Variants in ATG10 observed in about 807,000 individuals in gnomAD.
ATG10 encodes the protein ubiquitin-like-conjugating enzyme ATG10.
Under a neutral mutation model 32.1 loss-of-function variants are expected in ATG10, and 30 were observed. That is an observed-to-expected ratio of 0.94 (90% CI 0.70 to 1.27). The LOEUF (loss-of-function observed/expected upper bound fraction) is 1.27, where lower values mean the gene tolerates loss of function less well. Ranked by LOEUF, ATG10 falls within the 50% of genes most tolerant of loss-of-function variation. The pLI is 0.00. For synonymous variants in ATG10, 87 were observed against 91.5 expected, an observed-to-expected ratio of 0.95 and a Z score of 0.28; for missense variants, 233 against 262.3, an observed-to-expected ratio of 0.89 and a Z score of 0.77.
chr5:81,984,145 C>T (rs1430794768), intron 1 of ATG10, among the ~76,000 whole-genome samples: 1 of 152,260 alleles, frequency 6.6e-6, no homozygotes, highest in African/African-American at 2.4e-5. Flanking sequence ...CCATTGAGCA[C>T]TGAATGAACC....
intron 3 of ATG10, among the ~76,000 whole-genome samples, chr5:82,098,396 C>T (rs1165208926): frequency 1.3e-5 from 2 of 148,520 alleles, no homozygotes; most frequent in Non-Finnish European, 3.0e-5. Flanking sequence ...ACTGCAACCT[C>T]CGCCTCCTGG....
intron 4 of ATG10, among the ~76,000 whole-genome samples, chr5:82,177,585 T>C (rs747766419): frequency 6.6e-6 from 1 of 152,130 alleles, no homozygotes; most frequent in Non-Finnish European, 1.5e-5. Flanking sequence ...GACACCTTCT[T>C]TCCAGTAGTG....
At position 81,987,621 on chromosome 5, in the gene ATG10, A is replaced by G; in HGVS notation, c.51A>G (p.Ala17=). 6.2e-7 allele frequency: 1 copy of G among 1,613,330 alleles called. No homozygotes were observed. The highest frequency in any genetic ancestry group is 2.2e-5 in the East Asian group (1 of 44,820). The part of the protein sequence containing the change: ...IGEKTFQRYC[A]EFIKHSQQIG... Reference sequence around the variant, plus strand: ...AAAAAACATTCCAACGTTATTGTGCAGAATTCATTAAACATTCACAACAGA... The same window carrying G: ...AAAAAACATTCCAACGTTATTGTGCGGAATTCATTAAACATTCACAACAGA... The change falls in exon 2 of 8, where the codon GCA becomes GCG. Residue 17 remains alanine (A), a synonymous_variant. Transcript: ENST00000282185.
At chr5:82,106,919 G>A (rs1043148811) in intron 3 of ATG10, among the ~76,000 whole-genome samples, 2 of 151,956 alleles carry the variant, frequency 1.3e-5, no homozygotes, top group Non-Finnish European at 2.9e-5. Flanking sequence ...CCAACTTCAT[G>A]TGATAGCATG....
intron 3 of ATG10, among the ~76,000 whole-genome samples, chr5:82,129,002 A>G (rs926695121): frequency 6.6e-6 from 1 of 151,674 alleles, no homozygotes; most frequent in Non-Finnish European, 1.5e-5. Context: ...CACCAATCCA[A>G]TGTAGGTTTG....
intron 5 of ATG10, among the ~76,000 whole-genome samples, chr5:82,247,668 CT>C (rs1192140544): frequency 6.6e-6 from 1 of 152,172 alleles, no homozygotes; most frequent in Non-Finnish European, 1.5e-5. Flanking sequence ...AATTTTCCCC[CT>C]GGTATGAACC....
chr5:82,221,784 G>C (rs1309954468), intron 5 of ATG10, among the ~76,000 whole-genome samples: 1 of 152,208 alleles, frequency 6.6e-6, no homozygotes, highest in Non-Finnish European at 1.5e-5. Flanking sequence ...GCTACTTTCA[G>C]ACTGTTATGT....
chr5:82,219,538 G>T (rs1561363684), intron 5 of ATG10, among the ~76,000 whole-genome samples: 1 of 149,782 alleles, frequency 6.7e-6, no homozygotes, highest in Non-Finnish European at 1.5e-5. Flanking sequence ...TGTAGCTAGT[G>T]AGACTTTCAC....
chr5:82,155,648 T>C (rs1178100502), intron 3 of ATG10, among the ~76,000 whole-genome samples: 1 of 152,210 alleles, frequency 6.6e-6, no homozygotes, highest in Non-Finnish European at 1.5e-5. Flanking sequence ...AAACTGGGCT[T>C]ATTCAATATG....
chr5:82,213,868 T>G (rs974846414), intron 5 of ATG10, among the ~76,000 whole-genome samples: 1 of 152,232 alleles, frequency 6.6e-6, no homozygotes, highest in Non-Finnish European at 1.5e-5. Context: ...CTTTCTCTGA[T>G]CTCTGCTATT....
chr5:82,092,293 A>G (rs1291195125), intron 3 of ATG10, among the ~76,000 whole-genome samples: 1 of 152,230 alleles, frequency 6.6e-6, no homozygotes, highest in Non-Finnish European at 1.5e-5. Context: ...ACTGCTAAAT[A>G]TACAGAATTA....
At chr5:82,145,306 T>G (rs1767307456) in intron 3 of ATG10, among the ~76,000 whole-genome samples, 1 of 152,124 alleles carries the variant, frequency 6.6e-6, no homozygotes, top group Admixed American at 6.5e-5. Flanking sequence ...GTTACCTTGC[T>G]TTTTTTATAT....
intron 2 of ATG10, among the ~76,000 whole-genome samples, chr5:82,033,389 G>A (rs1762799650): frequency 6.7e-6 from 1 of 149,984 alleles, no homozygotes; most frequent in Non-Finnish European, 1.5e-5. Flanking sequence ...CCAAGCTGGA[G>A]TGCAGTGGCA....
At chr5:81,998,581 G>A (rs938498671) in intron 2 of ATG10, among the ~76,000 whole-genome samples, 2 of 151,960 alleles carry the variant, frequency 1.3e-5, no homozygotes, top group African/African-American at 4.8e-5. Flanking sequence ...CCAATTAAAA[G>A]GCACAGAGTG....
At chr5:82,028,825 A>G (rs544381985) in intron 2 of ATG10, among the ~76,000 whole-genome samples, 3 of 152,342 alleles carry the variant, frequency 2.0e-5, no homozygotes, top group Admixed American at 2.0e-4. Flanking sequence ...AATAAACCTA[A>G]TAGAAAATCA....
At chr5:82,156,575 A>G (rs977796189) in intron 3 of ATG10, among the ~76,000 whole-genome samples, 3 of 152,182 alleles carry the variant, frequency 2.0e-5, no homozygotes, top group Admixed American at 1.3e-4. Context: ...AACAAATTAC[A>G]TGATGTACAT....
intron 5 of ATG10, among the ~76,000 whole-genome samples, chr5:82,231,680 G>C (rs1487997300): frequency 6.6e-6 from 1 of 152,142 alleles, no homozygotes; most frequent in Non-Finnish European, 1.5e-5. Context: ...ATTATCGCAT[G>C]CTTATGAGTT....
intron 3 of ATG10, among the ~76,000 whole-genome samples, chr5:82,082,150 T>A (rs562162808): frequency 6.6e-6 from 1 of 152,108 alleles, no homozygotes; most frequent in East Asian, 1.9e-4. Context: ...CAGATGAGAT[T>A]TGGGGGGGGG....
intron 3 of ATG10, chr5:82,147,288 C>A: frequency 4.9e-6 from 1 of 205,432 alleles, no homozygotes; most frequent in Non-Finnish European, 1.0e-5. Context: ...CCTGCCTCAG[C>A]CTTCCGAGTA....
Sources: allele counts gnomAD v4.1 joint callset (sites outside exome capture counted in the v4.1 genomes callset), GRCh38; gene constraint gnomAD v4.1.1; transcripts MANE v1.5; gene names NCBI Gene and HGNC (gene_info 2026-07-23, HGNC 2026-07-21).